Variants in KCNH6 observed in about 807,000 individuals in gnomAD.
The protein encoded by KCNH6 is voltage-gated inwardly rectifying potassium channel KCNH6.
In KCNH6, 81 loss-of-function variants were observed where a neutral mutation model predicts 83.4. The observed-to-expected ratio is 0.97, with a 90% CI of 0.81 to 1.17. The LOEUF (loss-of-function observed/expected upper bound fraction) is 1.17. Ranked by LOEUF, KCNH6 falls within the 50% of genes most tolerant of loss-of-function variation. KCNH6 has a pLI of 0.00. For synonymous variants in KCNH6, 503 were observed against 545.6 expected, an observed-to-expected ratio of 0.92 and a Z score of 1.09; for missense variants, 1,203 against 1,290.5, an observed-to-expected ratio of 0.93 and a Z score of 1.04.
Position 63,524,324 on chromosome 17 carries a change from G to A in KCNH6, c.262G>A (p.Gly88Arg). ...AVSRLAQALLGAEECKVDILY... is the reference protein window; with the variant it reads ...AVSRLAQALLRAEECKVDILY... Reference sequence around the variant, plus strand: ...GTCCCGCCTAGCGCAGGCCCTGCTGGGGGCTGAGGAGTGCAAGGTGGACAT... The same window carrying A: ...GTCCCGCCTAGCGCAGGCCCTGCTGAGGGCTGAGGAGTGCAAGGTGGACAT... The change falls in exon 2 of 13, where the codon GGG becomes AGG. Residue 88 changes from glycine (G) to arginine (R), a missense_variant. Coordinates refer to ENST00000314672, the MANE Select transcript of KCNH6 (RefSeq NM_001278919.2). 6.2e-7 allele frequency: 1 copy of A among 1,613,894 alleles called. No homozygotes were observed. Among genetic ancestry groups the A allele is most frequent in the Non-Finnish European group, 8.5e-7 (1 of 1,180,014 alleles).
chr17:63,525,689 C>CCTT (rs958091316), intron 2 of KCNH6, among the ~76,000 whole-genome samples: 2 of 152,098 alleles, frequency 1.3e-5, no homozygotes, highest in Non-Finnish European at 2.9e-5. Context: ...CCTGGTTGTT[C>CCTT]CTGCTGCTGC....
At chr17:63,536,345 A>C (rs2032498531) in intron 6 of KCNH6, 5 of 468,294 alleles carry the variant, frequency 1.1e-5, no homozygotes, top group Non-Finnish European at 1.9e-5. Flanking sequence ...CCCTTGTTTA[A>C]AAATTATTAA....
chr17:63,542,378 C>T lies in KCNH6; in HGVS notation c.2092C>T (p.Pro698Ser). 1.9e-6 allele frequency: 3 copies of T among 1,614,160 alleles called. No individual in the cohort carries two copies. Among genetic ancestry groups the T allele is most frequent in the Non-Finnish European group, 2.5e-6 (3 of 1,180,036 alleles). The change falls in exon 9 of 13, where the codon CCG becomes TCG. Residue 698 changes from proline (P) to serine (S), a missense_variant. Physicochemically the swap from Pro to Ser is moderately conservative, Grantham distance 74. Coordinates refer to ENST00000314672, the MANE Select transcript of KCNH6 (RefSeq NM_001278919.2). ...TCTGCTGGAGGTGCTGGACATGTACCCGGCCTTTGCGGAGAGCTTCTGGAG... is the reference window on the plus strand; with the variant it reads ...TCTGCTGGAGGTGCTGGACATGTACTCGGCCTTTGCGGAGAGCTTCTGGAG... ...ADLLEVLDMYPAFAESFWSKL... is the reference protein window; with the variant it reads ...ADLLEVLDMYSAFAESFWSKL...
At position 63,545,110 on chromosome 17, in the gene KCNH6, G is replaced by T. The variant is rs534340884; in HGVS notation, c.2429G>T (p.Arg810Leu). The change falls in exon 12 of 13, where the codon CGC (arginine) becomes CTC (leucine). Residue 810 changes from arginine (R) to leucine (L), a missense_variant. By Grantham distance (102) the Arg-to-Leu change is moderately radical (BLOSUM62 -2). Transcript: ENST00000314672. ...TCCCGCGTGTCCTCAGACCTCAGCCGCATCTTGCAGCTCCTCCAGAAGCCC... is the reference window on the plus strand; with the variant it reads ...TCCCGCGTGTCCTCAGACCTCAGCCTCATCTTGCAGCTCCTCCAGAAGCCC... ...LESRVSSDLS[R>L]ILQLLQKPMP... 3 of 1,613,580 alleles carry T rather than the reference G, an allele frequency of 1.9e-6. No homozygotes were observed. The highest frequency in any genetic ancestry group is 1.6e-4 in the Middle Eastern group (1 of 6,062).
rs2033133298 is a variant in KCNH6 at position 63,546,047 on chromosome 17, AC to A, written c.*146del. ...CGGGCGGATCAGACCATCCTGGCTA[AC>A]ACGGTGAAACCCCACCTCTACTAAA... On this transcript the variant is annotated 3_prime_UTR_variant, in exon 13 of 13. Coordinates refer to ENST00000314672, the MANE Select transcript of KCNH6 (RefSeq NM_001278919.2). 1 of 656,354 alleles carries A rather than the reference AC, an allele frequency of 1.5e-6. No homozygotes were observed. Among genetic ancestry groups the A allele is most frequent in the Non-Finnish European group, 2.6e-6 (1 of 390,604 alleles). 40.7% of individuals were successfully genotyped at this position (656,354 alleles called of 1,614,324 possible).
In KCNH6 at chr17:63,542,311, G is replaced by T. The variant is rs370740991; in HGVS notation, c.2025G>T (p.Arg675=). 3.9e-5 allele frequency: 63 copies of T among 1,614,062 alleles called. No homozygotes were observed. In the Middle Eastern group the frequency reaches 6.6e-4, roughly 17 times the overall value. ...CAGGCAAGTCCAGTGCAGACGTGCG[G>T]GCTCTGACCTACTGCGACCTGCACA... ...AQPGKSSADV[R]ALTYCDLHKI... is the part of the protein sequence containing the mutation. The change falls in exon 9 of 13, where the codon CGG becomes CGT. Residue 675 remains arginine (R), a synonymous_variant. Transcript: ENST00000314672.
intron 4 of KCNH6, 67 bp downstream of exon 4, chr17:63,530,609 G>T: frequency 6.9e-7 from 1 of 1,451,260 alleles, no homozygotes; most frequent in African/African-American, 1.4e-5. Context: ...CCAGGCTCTG[G>T]GCCCAGGCCC....
Position 63,533,950 on chromosome 17 carries a change from G to T in KCNH6, c.740G>T (p.Trp247Leu). ...CTGCAGGCGCCGCGCATCCACCGCT[G>T]GACCATCCTGCACTACAGCCCCTTC... ...YKLQAPRIHR[W>L]TILHYSPFKA... Residue 247 changes from tryptophan (W) to leucine (L), a missense_variant, in exon 5 of 13, where the codon TGG becomes TTG. Physicochemically the swap from Trp to Leu is moderately conservative, Grantham distance 61. Transcript: ENST00000314672. This position sits in a 1 kb window ranked among gnomAD's most constrained non-coding sequence, Gnocchi z 4.1. 1 of 1,614,140 alleles carries T rather than the reference G, an allele frequency of 6.2e-7. No individual in the cohort carries two copies. The highest frequency in any genetic ancestry group is 8.5e-7 in the Non-Finnish European group (1 of 1,180,016).
At chr17:63,544,963 GC>G (rs1446159151) in intron 11 of KCNH6, 114 bp from the exon 12 acceptor site, 2 of 1,006,306 alleles carry the variant, frequency 2.0e-6, no homozygotes, top group African/African-American at 3.2e-5. Flanking sequence ...CTTCAGGTAG[GC>G]CCCAGGCCGC....
chr17:63,543,902 G>A (rs1011921028), intron 10 of KCNH6: 32 of 661,516 alleles, frequency 4.8e-5, no homozygotes, highest in Non-Finnish European at 7.4e-5. Context: ...CCCCAGGGGT[G>A]TATGGAGACT....
At position 63,538,402 on chromosome 17, in the gene KCNH6, C is replaced by A; in HGVS notation, c.1702-8C>A. ...GCGTCCCGCTGGACTTGGCCGCCCG[C>A]CTTGCAGGTGCTGAAGGGCTTCCCC... On this transcript the variant is annotated splice_polypyrimidine_tract_variant and splice_region_variant and intron_variant, in intron 7 of 12. Coordinates refer to ENST00000314672, the MANE Select transcript of KCNH6 (RefSeq NM_001278919.2). This position sits in a 1 kb window ranked among gnomAD's most constrained non-coding sequence, Gnocchi z 4.0. 1 of 1,592,470 alleles carries A rather than the reference C, an allele frequency of 6.3e-7. No homozygotes were observed. The highest frequency in any genetic ancestry group is 8.5e-7 in the Non-Finnish European group (1 of 1,170,796).
intron 10 of KCNH6, 165 bp from the exon 11 acceptor site, chr17:63,544,084 C>T (rs1462859715): frequency 1.2e-6 from 2 of 1,609,342 alleles, no homozygotes; most frequent in Non-Finnish European, 1.7e-6. Flanking sequence ...AGCCAGAACT[C>T]CATGGGGGCA....
chr17:63,532,942 C>T (rs889940217), intron 4 of KCNH6, among the ~76,000 whole-genome samples: 1 of 152,186 alleles, frequency 6.6e-6, no homozygotes, highest in Non-Finnish European at 1.5e-5. Context: ...ATCTCATTTC[C>T]TCACTACCCA....
chr17:63,525,523 T>C (rs1321341644), intron 2 of KCNH6, among the ~76,000 whole-genome samples: 2 of 151,780 alleles, frequency 1.3e-5, no homozygotes, highest in Admixed American at 6.6e-5. Flanking sequence ...GACCGAGGAG[T>C]GCTGAGAGAC....
intron 2 of KCNH6, among the ~76,000 whole-genome samples, chr17:63,527,047 C>A (rs568557598): frequency 2.0e-5 from 3 of 152,300 alleles, no homozygotes; most frequent in African/African-American, 7.2e-5. Context: ...GTCACCCACG[C>A]CTGCCCCGCA....
In KCNH6 at chr17:63,533,960, G is replaced by A. The variant is rs772259071; in HGVS notation, c.750G>A (p.Leu250=). 1.1e-5 allele frequency: 17 copies of A among 1,614,006 alleles called. No individual in the cohort carries two copies. Among genetic ancestry groups the A allele is most frequent in the Admixed American group, 1.7e-5 (1 of 59,996 alleles). ...QAPRIHRWTI[L]HYSPFKAVWD... ...CGCGCATCCACCGCTGGACCATCCTGCACTACAGCCCCTTCAAGGCCGTGT... is the reference window on the plus strand; with the variant it reads ...CGCGCATCCACCGCTGGACCATCCTACACTACAGCCCCTTCAAGGCCGTGT... Residue 250 remains leucine, a synonymous_variant, in exon 5 of 13, where the codon CTG becomes CTA. Transcript: ENST00000314672. This position sits in a 1 kb window ranked among gnomAD's most constrained non-coding sequence, Gnocchi z 4.1.
intron 6 of KCNH6, among the ~76,000 whole-genome samples, chr17:63,536,546 A>G (rs1439542541): frequency 1.3e-5 from 2 of 152,224 alleles, no homozygotes; most frequent in African/African-American, 4.8e-5. Context: ...CGGGAGGCTG[A>G]GGCAGGAGAA....
intron 9 of KCNH6, among the ~76,000 whole-genome samples, chr17:63,542,825 A>G (rs1024148480): frequency 1.3e-5 from 2 of 152,198 alleles, no homozygotes; most frequent in Admixed American, 1.3e-4. Context: ...ACCAAGCTGA[A>G]AAAGGGGGTG....
chr17:63,548,432 C>A (rs1055305701), downstream of KCNH6, among the ~76,000 whole-genome samples: 2 of 152,098 alleles, frequency 1.3e-5, no homozygotes, highest in African/African-American at 4.8e-5. Flanking sequence ...GAGGTCAAGG[C>A]TGCAATAAGC....
Sources: gnomAD v4.1 joint callset for allele counts (sites outside exome capture counted in the v4.1 genomes callset) on GRCh38, gnomAD v4.1.1 for gene constraint, Gnocchi (gnomAD v3.1) non-coding constraint, MANE v1.5 for transcripts, NCBI Gene and HGNC (gene_info 2026-07-23, HGNC 2026-07-21) for gene names.